ZNF516: variants seen among roughly 807,000 people sequenced by gnomAD.
The protein encoded by ZNF516 is zinc finger protein 516.
In ZNF516, 19 loss-of-function variants were observed where a neutral mutation model predicts 79.7. The ratio of observed to expected loss-of-function variants is 0.24; its 90% CI spans 0.17 to 0.35. The LOEUF is 0.35. ZNF516 is among the 10% of genes least tolerant of loss of function. The probability of loss-of-function intolerance (pLI) is 1.00; values close to 1 mark genes in which losing one functional copy is unlikely to be tolerated. For missense variants in ZNF516, 1,678 were observed against 1,679.5 expected, an observed-to-expected ratio of 1.00 and a Z score of 0.02; for synonymous variants, 877 against 739.5, an observed-to-expected ratio of 1.19 and a Z score of -3.02.
At chr18:76,400,620 C>T (rs559996090) in intron 3 of ZNF516, among the ~76,000 whole-genome samples, 9 of 152,318 alleles carry the variant, frequency 5.9e-5, no homozygotes, top group Admixed American at 1.3e-4. Context: ...AATCAAACTA[C>T]GTAGGCACGG....
intron 1 of ZNF516, among the ~76,000 whole-genome samples, chr18:76,494,146 A>C (rs1915379910): frequency 6.6e-6 from 1 of 152,082 alleles, no homozygotes; most frequent in South Asian, 2.1e-4. Flanking sequence ...CCACACACAT[A>C]AACTGCTGCT....
chr18:76,483,965 T>A (rs1914683247), intron 1 of ZNF516, among the ~76,000 whole-genome samples: 1 of 152,184 alleles, frequency 6.6e-6, no homozygotes, highest in Non-Finnish European at 1.5e-5. Flanking sequence ...CGCAAACATT[T>A]ACTCAACATG....
chr18:76,466,618 C>A (rs1249153049), intron 1 of ZNF516, among the ~76,000 whole-genome samples: 1 of 152,224 alleles, frequency 6.6e-6, no homozygotes, highest in Non-Finnish European at 1.5e-5. Context: ...GAGAAAGGCA[C>A]TCTGTGGACA....
At chr18:76,428,907 G>A (rs1355887028) in intron 3 of ZNF516, among the ~76,000 whole-genome samples, 1 of 152,246 alleles carries the variant, frequency 6.6e-6, no homozygotes, top group Admixed American at 6.5e-5. Flanking sequence ...AGCCTAGCAT[G>A]GGTCTAGCCC....
chr18:76,428,300 G>A (rs747499029), intron 3 of ZNF516, among the ~76,000 whole-genome samples: 5 of 151,472 alleles, frequency 3.3e-5, no homozygotes, highest in Non-Finnish European at 7.4e-5. Flanking sequence ...GGCTGAGGCA[G>A]GAGAATCGCT....
chr18:76,417,381 T>C (rs749030137), intron 3 of ZNF516, among the ~76,000 whole-genome samples: 1 of 152,234 alleles, frequency 6.6e-6, no homozygotes, highest in African/African-American at 2.4e-5. Flanking sequence ...GAGAAACTTT[T>C]AAAATCTCAA....
intron 3 of ZNF516, among the ~76,000 whole-genome samples, chr18:76,436,913 T>C (rs2145496005): frequency 6.6e-6 from 1 of 151,914 alleles, no homozygotes; most frequent in Admixed American, 6.6e-5. Context: ...ACCAAAAAAA[T>C]ACGAAAATTA....
intron 1 of ZNF516, among the ~76,000 whole-genome samples, chr18:76,484,341 T>C (rs1029004260): frequency 1.1e-4 from 16 of 152,354 alleles, no homozygotes; most frequent in African/African-American, 3.1e-4. Context: ...TATGATTGTC[T>C]ATATTAACCT....
intron 3 of ZNF516, among the ~76,000 whole-genome samples, chr18:76,412,466 G>A (rs917987849): frequency 6.6e-6 from 1 of 152,102 alleles, no homozygotes; most frequent in Admixed American, 6.5e-5. Flanking sequence ...CCCAAACACT[G>A]CCTCCACTCA....
Position 76,442,701 on chromosome 18 carries a change from G to A in ZNF516, c.354C>T (p.Thr118=), listed in dbSNP as rs1221762401. 6 of 1,582,932 alleles carry A rather than the reference G, an allele frequency of 3.8e-6. No homozygotes were observed. The highest frequency in any genetic ancestry group is 4.3e-6 in the Non-Finnish European group (5 of 1,165,978). The stretch of plus-strand genomic sequence containing the variant: ...GCCGGTTGCAGGCCGAGGCGCTCTT[G>A]GTGGGGCTGGCGCAGGCGTCCAGGC... ...SEGLDACASP[T]KSASACNRLL... is the part of the protein sequence containing the mutation. The change falls in exon 3 of 7, where the codon ACC becomes ACT. Residue 118 remains threonine, a synonymous_variant. Transcript: ENST00000443185.
At chr18:76,483,700 A>G (rs1254533579) in intron 1 of ZNF516, among the ~76,000 whole-genome samples, 2 of 152,104 alleles carry the variant, frequency 1.3e-5, no homozygotes, top group Admixed American at 6.6e-5. Context: ...AGGATTTTCT[A>G]TATCCCACGT....
chr18:76,492,582 C>A (rs1360977936), intron 1 of ZNF516: 2 of 421,616 alleles, frequency 4.7e-6, no homozygotes, highest in Non-Finnish European at 3.2e-6. Context: ...ACATCAGTTT[C>A]AGCAATCCGC....
chr18:76,395,942 G>T (rs7230880), intron 3 of ZNF516, among the ~76,000 whole-genome samples: 1 of 152,178 alleles, frequency 6.6e-6, no homozygotes, highest in Admixed American at 6.5e-5. Flanking sequence ...AGCTGCAAGT[G>T]AAAGAGGAAG....
chr18:76,470,213 G>A (rs1484836580), intron 1 of ZNF516, among the ~76,000 whole-genome samples: 1 of 152,176 alleles, frequency 6.6e-6, no homozygotes, highest in African/African-American at 2.4e-5. Flanking sequence ...GTTAACTGCT[G>A]AGTTATCTGA....
At chr18:76,496,197 G>C, upstream of ZNF516, 1 of 1,184,148 alleles carries the variant, frequency 8.4e-7, no homozygotes, top group Non-Finnish European at 1.1e-6. Context: ...GAGCTAGCGA[G>C]GGCGAGCGCC....
intron 3 of ZNF516, among the ~76,000 whole-genome samples, chr18:76,398,424 G>GT: frequency 6.6e-6 from 1 of 152,320 alleles, no homozygotes; most frequent in Admixed American, 6.5e-5. Context: ...ATCTTTCCTT[G>GT]TATGACGCAG....
At chr18:76,458,271 T>TA (rs1912854969) in intron 2 of ZNF516, among the ~76,000 whole-genome samples, 2 of 152,160 alleles carry the variant, frequency 1.3e-5, no homozygotes, top group Admixed American at 6.5e-5. Flanking sequence ...TCCTTTCACT[T>TA]AAAGTTGCAG....
chr18:76,371,404 A>G, intron 5 of ZNF516, 63 bp downstream of exon 5: 1 of 1,481,476 alleles, frequency 6.8e-7, no homozygotes, highest in Non-Finnish European at 9.1e-7. Context: ...TGGTCAAGCC[A>G]CTGACAGAAG....
At chr18:76,383,004 C>A (rs2074918287) in intron 3 of ZNF516, among the ~76,000 whole-genome samples, 1 of 147,156 alleles carries the variant, frequency 6.8e-6, no homozygotes, top group Admixed American at 6.9e-5. Flanking sequence ...CCACTGCACT[C>A]CAGCCTGGGC....
Sources: gnomAD v4.1 joint callset for allele counts (sites outside exome capture counted in the v4.1 genomes callset) on GRCh38, gnomAD v4.1.1 for gene constraint, MANE v1.5 for transcripts, NCBI Gene and HGNC (gene_info 2026-07-23, HGNC 2026-07-21) for gene names.